Variants in POT1 observed in about 807,000 individuals in gnomAD.
POT1 encodes protection of telomeres protein 1.
Under a neutral mutation model 78.5 loss-of-function variants are expected in POT1, and 47 were observed. That is an observed-to-expected ratio of 0.60 (90% CI 0.47 to 0.76). POT1 has a LOEUF of 0.76. Among genes scored for constraint, POT1 ranks in the 30% least tolerant of loss-of-function variants. POT1 has a pLI of 0.00. For missense variants in POT1, 646 were observed against 749.9 expected (o/e 0.86, Z 1.62); for synonymous variants, 259 against 260.7 (o/e 0.99, Z 0.06).
chr7:124,828,351 G>A (rs1794680663), intron 16 of POT1, among the ~76,000 whole-genome samples: 1 of 152,112 alleles, frequency 6.6e-6, no homozygotes, highest in Admixed American at 6.6e-5. Context: ...GACATACTGG[G>A]TAAAATGAAA....
At chr7:124,865,716 T>C (rs986523374) in intron 7 of POT1, among the ~76,000 whole-genome samples, 1 of 151,570 alleles carries the variant, frequency 6.6e-6, no homozygotes, top group Non-Finnish European at 1.5e-5. Context: ...ATTATTATTA[T>C]TATTATTTTG....
chr7:124,906,449 T>TG (rs1459216668), intron 3 of POT1, among the ~76,000 whole-genome samples: 4 of 130,108 alleles, frequency 3.1e-5, no homozygotes, highest in Non-Finnish European at 6.2e-5. Flanking sequence ...TGAGAACACT[T>TG]GGACACAGGG....
At chr7:124,921,828 T>C (rs12533560) in intron 2 of POT1, among the ~76,000 whole-genome samples, 91,241 of 151,766 alleles carry the variant, frequency 0.6, 27,563 homozygotes, top group African/African-American at 0.65. Flanking sequence ...ACACACGTAA[T>C]TGGCATCCCA....
rs2116630010 is a variant in POT1, at chr7:124,892,379, A to T, written c.11T>A (p.Val4Asp). The T allele has an allele frequency of 7.1e-7, 1 of 1,404,092 alleles. No homozygotes were observed. 87.0% of individuals were successfully genotyped at this position (1,404,092 alleles called of 1,614,324 possible). Reference sequence around the variant, plus strand: ...TGTATATATATAATTTGTTGCTGGAACCTAAAGAAAGAGAAGACAGTGAAT... The same window carrying T: ...TGTATATATATAATTTGTTGCTGGATCCTAAAGAAAGAGAAGACAGTGAAT... MSL[V>D]PATNYIYTPL... The change falls in exon 6 of 19, where the codon GTT (valine) becomes GAT (aspartate). Residue 4 changes from valine to aspartate, a missense_variant and splice_region_variant. Transcript: ENST00000357628.
intron 6 of POT1, among the ~76,000 whole-genome samples, chr7:124,891,300 G>T (rs1468443680): frequency 6.6e-6 from 1 of 151,592 alleles, no homozygotes; most frequent in Non-Finnish European, 1.5e-5. Context: ...TTGACTTAAA[G>T]TCTCTTTTGT....
At chr7:124,828,864 T>C (rs1794693039) in intron 16 of POT1, 1 of 528,040 alleles carries the variant, frequency 1.9e-6, no homozygotes, top group Non-Finnish European at 3.8e-6. Flanking sequence ...TACAATGACA[T>C]TTCAGGCTAG....
intron 6 of POT1, among the ~76,000 whole-genome samples, chr7:124,887,190 G>C (rs2116615918): frequency 6.6e-6 from 1 of 152,166 alleles, no homozygotes; most frequent in Admixed American, 6.6e-5. Context: ...ATGGGGTGGG[G>C]AAATGAAGAC....
At chr7:124,885,616 A>G (rs534945927) in intron 6 of POT1, among the ~76,000 whole-genome samples, 4 of 152,084 alleles carry the variant, frequency 2.6e-5, no homozygotes, top group East Asian at 3.9e-4. Flanking sequence ...AATACAAAAA[A>G]TTAGCCAGGC....
intron 15 of POT1, among the ~76,000 whole-genome samples, chr7:124,829,555 A>C (rs1794711407): frequency 1.3e-5 from 2 of 152,120 alleles, no homozygotes; most frequent in Non-Finnish European, 2.9e-5. Flanking sequence ...AGACAGTATA[A>C]GATTCAGAAT....
At chr7:124,836,608 C>T (rs1315707523) in intron 14 of POT1, among the ~76,000 whole-genome samples, 5 of 152,168 alleles carry the variant, frequency 3.3e-5, no homozygotes, top group African/African-American at 1.2e-4. Flanking sequence ...TTCAAAGAAT[C>T]TGGTGAGAGC....
intron 7 of POT1, among the ~76,000 whole-genome samples, chr7:124,864,325 T>A (rs1362681190): frequency 6.6e-6 from 1 of 152,182 alleles, no homozygotes; most frequent in Non-Finnish European, 1.5e-5. Context: ...ATATTTAAAG[T>A]GCATTTCTCA....
intron 3 of POT1, among the ~76,000 whole-genome samples, chr7:124,913,990 C>T (rs1348256228): frequency 6.6e-6 from 1 of 151,882 alleles, no homozygotes; most frequent in African/African-American, 2.4e-5. Flanking sequence ...AAAAAATTAG[C>T]AAGACATGGT....
intron 2 of POT1, among the ~76,000 whole-genome samples, chr7:124,922,604 T>A (rs1479118003): frequency 1.3e-5 from 2 of 151,918 alleles, no homozygotes; most frequent in Non-Finnish European, 2.9e-5. Flanking sequence ...TTAGTAAGGA[T>A]GTATATTGTT....
rs898469932 is a variant in POT1 at position 124,920,373 on chromosome 7, C to G, written c.-226-4727G>C. Among the ~76,000 whole-genome samples, 6 of 151,972 alleles carry G rather than the reference C, an allele frequency of 3.9e-5. No individual in the cohort carries two copies. In the East Asian group the frequency reaches 1.2e-3, roughly 29 times the overall value. ...CCATTTATATGACATTCTTGAAAAA[C>G]AAAAAAACAGTGTCAGGAAATTGGT... On this transcript the variant is annotated intron_variant, in intron 2 of 18. Coordinates refer to ENST00000357628, the MANE Select transcript of POT1 (RefSeq NM_015450.3).
intron 6 of POT1, 98 bp from the exon 7 acceptor site, chr7:124,871,139 C>G: frequency 9.7e-7 from 1 of 1,033,976 alleles, no homozygotes; most frequent in Admixed American, 2.9e-5. Context: ...CTTATTCTTC[C>G]TTTTAATTAA....
At chr7:124,828,578 G>C (rs1382599331) in intron 16 of POT1, among the ~76,000 whole-genome samples, 1 of 152,040 alleles carries the variant, frequency 6.6e-6, no homozygotes, top group Non-Finnish European at 1.5e-5. Context: ...GGTCTCAATA[G>C]GTTAAAACTG....
intron 3 of POT1, among the ~76,000 whole-genome samples, chr7:124,906,584 C>T (rs1341612144): frequency 1.3e-5 from 2 of 151,996 alleles, no homozygotes; most frequent in African/African-American, 4.8e-5. Context: ...CACATGTATA[C>T]ATATGTAACA....
chr7:124,876,501 T>C (rs1051109996), intron 6 of POT1, among the ~76,000 whole-genome samples: 1 of 152,168 alleles, frequency 6.6e-6, no homozygotes, highest in Non-Finnish European at 1.5e-5. Flanking sequence ...ACTCAAAGAA[T>C]TGGGCCTTCT....
intron 9 of POT1, among the ~76,000 whole-genome samples, chr7:124,855,501 G>A (rs113626724): frequency 0.014 from 2,185 of 151,508 alleles, 58 homozygotes; most frequent in African/African-American, 0.048. Flanking sequence ...TCAAAAGCTT[G>A]ACTAAAAATA....
Sources: allele counts gnomAD v4.1 joint callset (sites outside exome capture counted in the v4.1 genomes callset), GRCh38; gene constraint gnomAD v4.1.1; transcripts MANE v1.5; gene names NCBI Gene and HGNC (gene_info 2026-07-23, HGNC 2026-07-21).